LINGO2: variants seen among roughly 807,000 people sequenced by gnomAD.
LINGO2 encodes leucine-rich repeat and immunoglobulin-like domain-containing nogo receptor-interacting protein 2.
LINGO2 carries 14 observed loss-of-function variants against 30.6 expected under a neutral mutation model. The observed-to-expected ratio is 0.46, with a 90% CI of 0.30 to 0.72. The LOEUF is 0.72. LINGO2 is among the 30% of genes least tolerant of loss of function. The probability of loss-of-function intolerance (pLI) is 0.07; values close to 1 mark genes in which losing one functional copy is unlikely to be tolerated. For missense variants in LINGO2, 729 were observed against 751.7 expected, an observed-to-expected ratio of 0.97 and a Z score of 0.35; for synonymous variants, 317 against 288.5, an observed-to-expected ratio of 1.10 and a Z score of -1.00.
chr9:28,444,660 C>G (rs1258208690), intron 2 of LINGO2, among the ~76,000 whole-genome samples: 1 of 152,186 alleles, frequency 6.6e-6, no homozygotes, highest in Non-Finnish European at 1.5e-5. Flanking sequence ...TCCCCTCATC[C>G]AGACACTGGT....
At chr9:28,621,898 C>T (rs146933695) in intron 1 of LINGO2, among the ~76,000 whole-genome samples, 1 of 152,124 alleles carries the variant, frequency 6.6e-6, no homozygotes, top group Admixed American at 6.6e-5. Context: ...TGCTAATGAT[C>T]ACCTGACACT....
chr9:28,748,191 C>CA, the LINGO2 span, among the ~76,000 whole-genome samples: 2 of 151,980 alleles, frequency 1.3e-5, no homozygotes, highest in East Asian at 3.9e-4. Flanking sequence ...TCAACAACAA[C>CA]AAAAAAGAAG....
chr9:28,647,125 T>C (rs980851281), intron 1 of LINGO2, among the ~76,000 whole-genome samples: 39 of 152,104 alleles, frequency 2.6e-4, no homozygotes, highest in Non-Finnish European at 1.5e-5. Context: ...CTGCCATGAT[T>C]GATACCTGGA....
chr9:28,749,979 G>A, the LINGO2 span, among the ~76,000 whole-genome samples: 55 of 152,208 alleles, frequency 3.6e-4, no homozygotes, highest in African/African-American at 1.3e-3. Flanking sequence ...GGATTAGCTA[G>A]AGATAAAGAA....
chr9:29,074,104 G>A, the LINGO2 span, among the ~76,000 whole-genome samples: 1 of 151,978 alleles, frequency 6.6e-6, no homozygotes, highest in Non-Finnish European at 1.5e-5. Flanking sequence ...TTCCAAGAAA[G>A]ATAAAGAACA....
chr9:28,421,634 C>A (rs1297273427), intron 2 of LINGO2, among the ~76,000 whole-genome samples: 1 of 152,036 alleles, frequency 6.6e-6, no homozygotes, highest in Non-Finnish European at 1.5e-5. Context: ...CCCTGGAGAA[C>A]CCACATATGT....
chr9:28,890,351 G>A, the LINGO2 span, among the ~76,000 whole-genome samples: 2 of 152,020 alleles, frequency 1.3e-5, no homozygotes, highest in Non-Finnish European at 2.9e-5. Context: ...GGTTGTGCAG[G>A]TAAGCAGTTA....
chr9:27,997,183 T>G (rs903083236), intron 5 of LINGO2, among the ~76,000 whole-genome samples: 2 of 152,174 alleles, frequency 1.3e-5, no homozygotes, highest in African/African-American at 4.8e-5. Flanking sequence ...GCAACATTGG[T>G]AACTGGGTCA....
intron 4 of LINGO2, among the ~76,000 whole-genome samples, chr9:28,122,966 A>G (rs1827139846): frequency 6.6e-6 from 1 of 152,146 alleles, no homozygotes; most frequent in African/African-American, 2.4e-5. Context: ...ATGATATCTA[A>G]ATTGTCTCTT....
intron 5 of LINGO2, among the ~76,000 whole-genome samples, 187 bp from the exon 7 acceptor site, chr9:27,950,893 T>C: frequency 6.6e-6 from 1 of 152,180 alleles, no homozygotes; most frequent in East Asian, 1.9e-4. Flanking sequence ...TTAATCTCTC[T>C]GCATTTTAGT....
the LINGO2 span, among the ~76,000 whole-genome samples, chr9:29,056,662 G>A: frequency 1.5e-4 from 23 of 152,086 alleles, 1 homozygote; most frequent in African/African-American, 5.5e-4. Context: ...AAGTTCTGCC[G>A]ACGACAATGT....
the LINGO2 span, among the ~76,000 whole-genome samples, chr9:29,009,831 G>C: frequency 6.6e-6 from 1 of 152,038 alleles, no homozygotes; most frequent in African/African-American, 2.4e-5. Context: ...CCAAAACAGA[G>C]ATACAGACCA....
intron 3 of LINGO2, among the ~76,000 whole-genome samples, chr9:28,316,008 T>G (rs965887026): frequency 6.6e-6 from 1 of 152,206 alleles, no homozygotes; most frequent in African/African-American, 2.4e-5. Flanking sequence ...GCCAAGTCTC[T>G]AAACCTTTCT....
the LINGO2 span, among the ~76,000 whole-genome samples, chr9:29,064,500 C>T: frequency 6.6e-6 from 1 of 151,974 alleles, no homozygotes; most frequent in Non-Finnish European, 1.5e-5. Context: ...AAAATTTCAA[C>T]TGTGAAACTT....
chr9:29,136,819 C>T, the LINGO2 span, among the ~76,000 whole-genome samples: 1 of 152,118 alleles, frequency 6.6e-6, no homozygotes, highest in African/African-American at 2.4e-5. Context: ...TACAACTGCT[C>T]ATTTGATACC....
intron 2 of LINGO2, among the ~76,000 whole-genome samples, chr9:28,466,605 C>CTGTACAACTAT (rs1376450487): frequency 2.0e-5 from 3 of 152,080 alleles, no homozygotes; most frequent in Non-Finnish European, 4.4e-5. Context: ...TACAACTGGA[C>CTGTACAACTAT]TGTTTGTAAT....
At chr9:28,606,072 T>C (rs953043640) in intron 1 of LINGO2, among the ~76,000 whole-genome samples, 5 of 152,068 alleles carry the variant, frequency 3.3e-5, no homozygotes, top group African/African-American at 1.2e-4. Context: ...ATGCTTACAT[T>C]TTAATAACCA....
the LINGO2 span, among the ~76,000 whole-genome samples, chr9:28,782,886 G>A: frequency 5.3e-5 from 8 of 152,274 alleles, no homozygotes; most frequent in Middle Eastern, 3.4e-3. Context: ...CTAAGATGGC[G>A]CAGCCCCACT....
intron 4 of LINGO2, among the ~76,000 whole-genome samples, chr9:28,119,002 G>C (rs1421048733): frequency 1.3e-5 from 2 of 152,052 alleles, no homozygotes; most frequent in Admixed American, 1.3e-4. Flanking sequence ...ATCATTGCTA[G>C]AGCCTGGGTT....
Sources: gnomAD v4.1 joint callset for allele counts (sites outside exome capture counted in the v4.1 genomes callset) on GRCh38, gnomAD v4.1.1 for gene constraint, MANE v1.5 for transcripts, NCBI Gene and HGNC (gene_info 2026-07-23, HGNC 2026-07-21) for gene names.